EPHA6: variants seen among roughly 807,000 people sequenced by gnomAD.
EPHA6 encodes EPH receptor A6.
In EPHA6, 50 loss-of-function variants were observed where a neutral mutation model predicts 112.0. The observed-to-expected ratio is 0.45, with a 90% CI of 0.36 to 0.56. The LOEUF is 0.56. Among genes scored for constraint, EPHA6 ranks in the 20% least tolerant of loss-of-function variants. EPHA6 has a pLI of 0.00. For missense variants in EPHA6, 1,280 were observed against 1,417.4 expected (o/e 0.90, Z 1.56); for synonymous variants, 529 against 490.7 (o/e 1.08, Z -1.03).
At chr3:97,015,693 G>A in intron 3 of EPHA6, among the ~76,000 whole-genome samples, 1 of 152,270 alleles carries the variant, frequency 6.6e-6, no homozygotes, top group African/African-American at 2.4e-5. Flanking sequence ...GATCAGGAGA[G>A]GAGTGAACAC....
chr3:97,425,719 A>C, intron 6 of EPHA6, among the ~76,000 whole-genome samples: 1 of 152,268 alleles, frequency 6.6e-6, no homozygotes, highest in Non-Finnish European at 1.5e-5. Context: ...CTTCCCAGAA[A>C]ATTGTTTTTT....
intron 11 of EPHA6, among the ~76,000 whole-genome samples, chr3:97,534,454 C>A (rs893551408): frequency 6.7e-6 from 1 of 148,852 alleles, no homozygotes; most frequent in African/African-American, 2.5e-5. Context: ...TAAAACCCAC[C>A]CCCCCCTTTT....
intron 2 of EPHA6, among the ~76,000 whole-genome samples, chr3:96,957,298 G>A (rs1263189881): frequency 1.3e-5 from 2 of 152,144 alleles, no homozygotes; most frequent in Admixed American, 6.5e-5. Flanking sequence ...GAGAAAATAA[G>A]TGTTGACAGT....
intron 3 of EPHA6, among the ~76,000 whole-genome samples, chr3:97,170,462 C>T (rs758539760): frequency 1.1e-4 from 16 of 152,204 alleles, no homozygotes; most frequent in Middle Eastern, 3.4e-3. Flanking sequence ...TGGAGCCAGG[C>T]GTGGTGGCTC....
intron 3 of EPHA6, among the ~76,000 whole-genome samples, chr3:97,039,726 G>A (rs2045248735): frequency 6.6e-6 from 1 of 152,002 alleles, no homozygotes; most frequent in Non-Finnish European, 1.5e-5. Flanking sequence ...GCAGTAAAGA[G>A]TTTGAAAACT....
At chr3:97,437,644 A>G (rs988678799) in intron 6 of EPHA6, among the ~76,000 whole-genome samples, 2 of 152,058 alleles carry the variant, frequency 1.3e-5, no homozygotes, top group African/African-American at 4.8e-5. Flanking sequence ...TGCATAAACT[A>G]AATGTAATAC....
chr3:96,919,710 A>G (rs2039664618), intron 2 of EPHA6, among the ~76,000 whole-genome samples: 2 of 151,954 alleles, frequency 1.3e-5, no homozygotes, highest in Admixed American at 6.6e-5. Flanking sequence ...ATCTCCAATA[A>G]TACTTTTCTT....
At chr3:97,320,812 G>A (rs2082075328) in intron 5 of EPHA6, among the ~76,000 whole-genome samples, 1 of 125,528 alleles carries the variant, frequency 8.0e-6, no homozygotes, top group Admixed American at 8.0e-5. Flanking sequence ...GTGTTCTCTG[G>A]GGGCAAAAAA....
chr3:97,553,260 A>G (rs898083879), intron 11 of EPHA6, among the ~76,000 whole-genome samples: 39 of 151,758 alleles, frequency 2.6e-4, no homozygotes, highest in African/African-American at 9.2e-4. Context: ...TGTGCCTTCT[A>G]CAAGCCAATC....
chr3:97,614,499 T>A, intron 13 of EPHA6, among the ~76,000 whole-genome samples: 1 of 113,362 alleles, frequency 8.8e-6, no homozygotes, highest in South Asian at 2.6e-4. Flanking sequence ...CACACCCAGC[T>A]AATTTTTTTT....
At chr3:97,340,779 T>A (rs1256080752) in intron 5 of EPHA6, among the ~76,000 whole-genome samples, 1 of 152,192 alleles carries the variant, frequency 6.6e-6, no homozygotes, top group Non-Finnish European at 1.5e-5. Flanking sequence ...GCAAGAGAGC[T>A]AGCCCTGGTG....
At chr3:97,292,384 C>T (rs569826351) in intron 5 of EPHA6, among the ~76,000 whole-genome samples, 2 of 152,228 alleles carry the variant, frequency 1.3e-5, no homozygotes, top group Non-Finnish European at 2.9e-5. Flanking sequence ...TGCCATTTTG[C>T]GGGTCCCAAG....
intron 3 of EPHA6, among the ~76,000 whole-genome samples, chr3:97,183,129 A>G (rs1294447512): frequency 1.3e-5 from 2 of 152,076 alleles, no homozygotes; most frequent in Non-Finnish European, 2.9e-5. Context: ...TGCAATTGTA[A>G]TTCATAAGGG....
At chr3:97,685,039 T>C (rs2032143611) in intron 14 of EPHA6, among the ~76,000 whole-genome samples, 2 of 152,082 alleles carry the variant, frequency 1.3e-5, no homozygotes, top group South Asian at 2.1e-4. Context: ...AATAGTGCTA[T>C]AGTAAGTTTG....
intron 2 of EPHA6, among the ~76,000 whole-genome samples, chr3:96,876,350 G>A (rs1386641707): frequency 1.3e-5 from 2 of 151,198 alleles, no homozygotes; most frequent in African/African-American, 4.9e-5. Context: ...TTTCAAATCA[G>A]CCTATATCAT....
At chr3:96,821,590 G>A (rs1318539144) in intron 1 of EPHA6, among the ~76,000 whole-genome samples, 1 of 151,652 alleles carries the variant, frequency 6.6e-6, no homozygotes, top group African/African-American at 2.4e-5. Context: ...TTTTCTCCCA[G>A]AATATATGAT....
At chr3:97,036,796 T>C (rs561614299) in intron 3 of EPHA6, among the ~76,000 whole-genome samples, 1 of 152,166 alleles carries the variant, frequency 6.6e-6, no homozygotes, top group South Asian at 2.1e-4. Flanking sequence ...GTATATGTAA[T>C]GGGCACTTTA....
rs189764692 is a variant in EPHA6, at chr3:97,391,401, A to G, written c.1607-13749A>G. Among the ~76,000 whole-genome samples the G allele has an allele frequency of 2.5e-3, 382 of 152,118 alleles. 3 individuals are homozygous for G. The highest frequency in any genetic ancestry group is 8.3e-3 in the African/African-American group (345 of 41,562). On this transcript the variant is annotated intron_variant, in intron 5 of 17. Coordinates refer to ENST00000389672, the MANE Select transcript of EPHA6 (RefSeq NM_001080448.3). Reference sequence around the variant, plus strand: ...TTAAATTTAGCACCGTTGGTACAGTACAGTTTGTAAGTGCTAGACTTCAGT... The same window carrying G: ...TTAAATTTAGCACCGTTGGTACAGTGCAGTTTGTAAGTGCTAGACTTCAGT...
Position 97,419,796 on chromosome 3 carries a change from T to A in EPHA6, c.1731+14522T>A, listed in dbSNP as rs533618327. 2.0e-5 allele frequency among the ~76,000 whole-genome samples: 3 copies of A among 152,266 alleles called. No homozygotes were observed. In the South Asian group the frequency reaches 6.2e-4, roughly 32 times the overall value. ...AAATTGAAAAAACTGATTGATTACA[T>A]AAACCTTTAGAAAGATTGATCAAAA... On this transcript the variant is annotated intron_variant, in intron 6 of 17. Transcript: ENST00000389672.
Sources: allele counts gnomAD v4.1 joint callset (sites outside exome capture counted in the v4.1 genomes callset), GRCh38; gene constraint gnomAD v4.1.1; transcripts MANE v1.5; gene names NCBI Gene and HGNC (gene_info 2026-07-23, HGNC 2026-07-21).